Variants in ZNF536 observed in about 807,000 individuals in gnomAD.
ZNF536 encodes zinc finger protein 536.
Under a neutral mutation model 84.5 loss-of-function variants are expected in ZNF536, and 13 were observed. The observed-to-expected ratio is 0.15, with a 90% CI of 0.10 to 0.24. The LOEUF (loss-of-function observed/expected upper bound fraction) is 0.24, where lower values mean the gene tolerates loss of function less well. Ranked by LOEUF, ZNF536 falls within the 10% of genes least tolerant of loss-of-function variation. The pLI, the probability that ZNF536 is intolerant of heterozygous loss-of-function variation, is 1.00. For missense variants in ZNF536, 1,536 were observed against 1,747.5 expected, an observed-to-expected ratio of 0.88 and a Z score of 2.16; for synonymous variants, 811 against 742.5, an observed-to-expected ratio of 1.09 and a Z score of -1.50.
intron 2 of ZNF536, among the ~76,000 whole-genome samples, chr19:30,504,103 T>G (rs1190953209): frequency 6.6e-6 from 1 of 152,108 alleles, no homozygotes; most frequent in Non-Finnish European, 1.5e-5. Context: ...TATGGCCACT[T>G]AGGAGCTCTT....
chr19:30,644,075 C>A (rs2147366976), intron 1 of ZNF536, among the ~76,000 whole-genome samples: 1 of 152,290 alleles, frequency 6.6e-6, no homozygotes, highest in Middle Eastern at 3.4e-3. Context: ...GGCAGTGGAG[C>A]CACAGATAAC....
chr19:30,588,633 A>G (rs571761417), intron 1 of ZNF536, among the ~76,000 whole-genome samples: 16 of 152,278 alleles, frequency 1.1e-4, no homozygotes, highest in Non-Finnish European at 1.9e-4. Context: ...TCTGCCTTTA[A>G]CACCTCTCCA....
At chr19:30,321,738 C>A (rs537648687) in intron 2 of ZNF536, among the ~76,000 whole-genome samples, 2 of 148,724 alleles carry the variant, frequency 1.3e-5, no homozygotes, top group South Asian at 4.3e-4. Context: ...GTCTACCTGG[C>A]TAATTTAATT....
chr19:30,485,292 A>T (rs2054261446), intron 2 of ZNF536, among the ~76,000 whole-genome samples: 1 of 152,150 alleles, frequency 6.6e-6, no homozygotes, highest in Non-Finnish European at 1.5e-5. Flanking sequence ...TTTTGGTAAC[A>T]GCTTTATTGA....
At chr19:30,432,515 G>T (rs116617059) in intron 1 of ZNF536, among the ~76,000 whole-genome samples, 173 of 151,928 alleles carry the variant, frequency 1.1e-3, no homozygotes, top group African/African-American at 4.0e-3. Flanking sequence ...TGGTGAGGTG[G>T]GGCTGGGCTG....
chr19:30,303,659 C>T (rs1467604999), intron 2 of ZNF536, among the ~76,000 whole-genome samples: 1 of 152,104 alleles, frequency 6.6e-6, no homozygotes, highest in African/African-American at 2.4e-5. Context: ...CCGGCCACCA[C>T]GCCCGGCTAA....
intron 1 of ZNF536, among the ~76,000 whole-genome samples, chr19:30,649,468 A>C (rs1460643405): frequency 6.6e-6 from 1 of 152,186 alleles, no homozygotes; most frequent in South Asian, 2.1e-4. Flanking sequence ...TAGATGAGGA[A>C]CATTAAGATT....
In ZNF536 at chr19:30,257,442, G is replaced by A. The variant is rs149462268; in HGVS notation, c.-189-26630G>A. On this transcript the variant is annotated intron_variant, in intron 1 of 5. Coordinates refer to the ZNF536 transcript ENST00000585628. ...TGGGGTCTGAATATTTTCCTTTCAC[G>A]TGCTGTGCCTTTTGCAAACTCTTCC... Among the ~76,000 whole-genome samples, 8 of 152,302 alleles carry A rather than the reference G, an allele frequency of 5.3e-5. No individual in the cohort carries two copies. The South Asian group carries it at 6.2e-4, about 12-fold the overall frequency.
intron 1 of ZNF536, among the ~76,000 whole-genome samples, chr19:30,570,765 CT>C (rs2046516918): frequency 6.6e-6 from 1 of 152,158 alleles, no homozygotes; most frequent in African/African-American, 2.4e-5. Flanking sequence ...AAATATACCC[CT>C]TTTTGTGTTG....
At chr19:30,482,233 CTT>C (rs1384879028) in intron 2 of ZNF536, among the ~76,000 whole-genome samples, 2 of 152,270 alleles carry the variant, frequency 1.3e-5, no homozygotes, top group African/African-American at 4.8e-5. Context: ...GGTAGATCCA[CTT>C]TCAGTTCTTT....
chr19:30,647,900 C>T (rs1303158073), intron 1 of ZNF536, among the ~76,000 whole-genome samples: 1 of 152,208 alleles, frequency 6.6e-6, no homozygotes, highest in Admixed American at 6.5e-5. Flanking sequence ...AGGGACCTGG[C>T]CCCATCTCCG....
chr19:30,353,534 CT>C (rs141869846), intron 3 of ZNF536, among the ~76,000 whole-genome samples: 2,924 of 152,268 alleles, frequency 0.019, 59 homozygotes, highest in African/African-American at 0.052. Context: ...CAGCCCCCCC[CT>C]GGCACCGGTG....
intron 2 of ZNF536, among the ~76,000 whole-genome samples, chr19:30,326,624 G>A (rs976419589): frequency 6.6e-6 from 1 of 151,882 alleles, no homozygotes; most frequent in Admixed American, 6.6e-5. Flanking sequence ...TATGTGAAGC[G>A]CCCAGCACAG....
intron 2 of ZNF536, among the ~76,000 whole-genome samples, chr19:30,315,351 G>A (rs1286699117): frequency 6.6e-6 from 1 of 152,188 alleles, no homozygotes; most frequent in Non-Finnish European, 1.5e-5. Context: ...CCTGGAGGAG[G>A]CAGTCAGGGA....
intron 2 of ZNF536, among the ~76,000 whole-genome samples, chr19:30,483,864 A>G (rs1053067631): frequency 1.3e-5 from 2 of 152,022 alleles, no homozygotes; most frequent in African/African-American, 4.8e-5. Context: ...CTTGGTCCCC[A>G]CAGTCTTTGT....
chr19:30,585,193 A>G (rs546471102), intron 1 of ZNF536, among the ~76,000 whole-genome samples: 2 of 152,330 alleles, frequency 1.3e-5, no homozygotes, highest in South Asian at 4.2e-4. Flanking sequence ...AAATAGGCTA[A>G]GTTGATTCAT....
intron 2 of ZNF536, among the ~76,000 whole-genome samples, chr19:30,333,067 G>A (rs1015264147): frequency 2.0e-5 from 3 of 151,968 alleles, no homozygotes; most frequent in Non-Finnish European, 2.9e-5. Flanking sequence ...CTAGGGCAGC[G>A]TCCCATTTTC....
intron 1 of ZNF536, among the ~76,000 whole-genome samples, chr19:30,430,257 T>A (rs1446760410): frequency 1.3e-5 from 2 of 151,606 alleles, no homozygotes; most frequent in Non-Finnish European, 2.9e-5. Flanking sequence ...CTGCAACTTG[T>A]TCATTCATTC....
chr19:30,359,513 C>T (rs982709724), intron 3 of ZNF536, among the ~76,000 whole-genome samples: 1 of 152,266 alleles, frequency 6.6e-6, no homozygotes, highest in East Asian at 1.9e-4. Flanking sequence ...GGCAGCAATG[C>T]AGAAGTCCCT....
Sources: gnomAD v4.1 joint callset for allele counts (sites outside exome capture counted in the v4.1 genomes callset) on GRCh38, gnomAD v4.1.1 for gene constraint, MANE v1.5 for transcripts, NCBI Gene and HGNC (gene_info 2026-07-23, HGNC 2026-07-21) for gene names.